The following CPT1A variants were observed in gnomAD, a reference collection of about 807,000 sequenced individuals.
CPT1A encodes carnitine O-palmitoyltransferase 1, liver isoform.
CPT1A carries 64 observed loss-of-function variants against 100.8 expected under a neutral mutation model. The observed-to-expected ratio is 0.63, with a 90% CI of 0.52 to 0.78. The LOEUF is 0.78. Among genes scored for constraint, CPT1A ranks in the 30% least tolerant of loss-of-function variants. The pLI, the probability that CPT1A is intolerant of heterozygous loss-of-function variation, is 0.00. For missense variants in CPT1A, 802 were observed against 1,034.1 expected (o/e 0.78, Z 3.08); for synonymous variants, 363 against 396.0 (o/e 0.92, Z 0.99).
At chr11:68,829,858 G>A (rs1398886212) in intron 1 of CPT1A, among the ~76,000 whole-genome samples, 3 of 151,904 alleles carry the variant, frequency 2.0e-5, no homozygotes, top group African/African-American at 7.3e-5. Flanking sequence ...CACATCGTCT[G>A]GCATTGTCAT....
chr11:68,835,518 AG>A (rs1856988080), intron 1 of CPT1A, among the ~76,000 whole-genome samples: 1 of 152,266 alleles, frequency 6.6e-6, no homozygotes, highest in African/African-American at 2.4e-5. Flanking sequence ...GCCTGCAGCC[AG>A]GACATTGTTT....
intron 1 of CPT1A, among the ~76,000 whole-genome samples, chr11:68,840,748 C>G (rs1462279617): frequency 6.6e-6 from 1 of 152,270 alleles, no homozygotes; most frequent in African/African-American, 2.4e-5. Flanking sequence ...ATGGCCTCTC[C>G]TGACAAACCG....
chr11:68,839,668 G>C (rs998190309), intron 1 of CPT1A: 2 of 985,400 alleles, frequency 2.0e-6, no homozygotes, highest in Admixed American at 1.2e-4. Context: ...CCGCGCTCAA[G>C]AGCCCAGGGC....
intron 5 of CPT1A, among the ~76,000 whole-genome samples, chr11:68,800,624 C>T (rs922867603): frequency 6.6e-6 from 1 of 151,906 alleles, no homozygotes; most frequent in Non-Finnish European, 1.5e-5. Context: ...CATGATCACA[C>T]CACTGCATTC....
At chr11:68,834,782 T>C (rs936241867) in intron 1 of CPT1A, among the ~76,000 whole-genome samples, 1 of 151,734 alleles carries the variant, frequency 6.6e-6, no homozygotes, top group East Asian at 2.0e-4. Context: ...GGTGGATCAC[T>C]TGAGGTCAGG....
intron 3 of CPT1A, among the ~76,000 whole-genome samples, chr11:68,809,567 A>G (rs1212768282): frequency 3.3e-5 from 5 of 152,090 alleles, no homozygotes; most frequent in Admixed American, 3.3e-4. Context: ...TCCTGGGCTC[A>G]AGCAATCCTC....
At position 68,777,049 on chromosome 11, in the gene CPT1A, T is replaced by C. The variant is rs562200251; in HGVS notation, c.1459-1617A>G. ...GTGGGGGTCACAATCCAGGCTGACC[T>C]GAGCCAGCGAACGAACAGACTTGAT... On this transcript the variant is annotated intron_variant, in intron 12 of 18. Transcript: ENST00000265641. Among the ~76,000 whole-genome samples, 3 of 152,326 alleles carry C rather than the reference T, an allele frequency of 2.0e-5. No homozygotes were observed. In the South Asian group the frequency reaches 6.2e-4, roughly 32 times the overall value.
At position 68,781,947 on chromosome 11, in the gene CPT1A, G is replaced by A. The variant is rs748092258; in HGVS notation, c.1176C>T (p.Ala392=). The part of the protein sequence containing the change: ...ALTAGDRVPW[A]RCRQAYFGRG... The stretch of plus-strand genomic sequence containing the variant: ...GTCCAAAATAGGCCTGACGACACCT[G>A]GCCCAGGGAACTCTGCAGTGAAGAT... The change falls in exon 11 of 19, where the codon GCC becomes GCT. Residue 392 remains alanine (A), a synonymous_variant. Coordinates refer to ENST00000265641, the MANE Select transcript of CPT1A (RefSeq NM_001876.4). 1.2e-6 allele frequency: 2 copies of A among 1,614,156 alleles called. No homozygotes were observed. The highest frequency in any genetic ancestry group is 2.2e-5 in the East Asian group (1 of 44,886).
rs1469637386 is a variant in CPT1A, at chr11:68,812,431, A to G, written c.281+6T>C. 6.2e-7 allele frequency: 1 copy of G among 1,614,238 alleles called. No individual in the cohort carries two copies. The highest frequency in any genetic ancestry group is 2.2e-5 in the East Asian group (1 of 44,890). The stretch of plus-strand genomic sequence containing the variant: ...AGACAATTGGAGATTTCACAGGATT[A>G]CTTACGCCGTTTCCAGAGTCCGATT... On this transcript the variant is annotated splice_donor_region_variant and intron_variant, in intron 3 of 18. Transcript: ENST00000265641.
chr11:68,769,499 C>T (rs1043050275), intron 14 of CPT1A, among the ~76,000 whole-genome samples: 3 of 151,516 alleles, frequency 2.0e-5, no homozygotes, highest in Non-Finnish European at 4.4e-5. Flanking sequence ...GATCCACCTG[C>T]CTCAGCCACC....
intron 8 of CPT1A, among the ~76,000 whole-genome samples, chr11:68,794,476 T>A (rs1312454926): frequency 6.6e-6 from 1 of 152,214 alleles, no homozygotes; most frequent in Non-Finnish European, 1.5e-5. Context: ...AATGGTGTTA[T>A]CTTGGCTCGC....
intron 17 of CPT1A, 83 bp from the exon 18 acceptor site, chr11:68,759,744 C>G (rs1946766389): frequency 5.8e-6 from 6 of 1,027,952 alleles, no homozygotes; most frequent in Non-Finnish European, 9.2e-6. Flanking sequence ...AAATGCAACA[C>G]TGGCGGGGCT....
At chr11:68,777,284 G>C (rs1476377124) in intron 12 of CPT1A, among the ~76,000 whole-genome samples, 1 of 152,124 alleles carries the variant, frequency 6.6e-6, no homozygotes, top group African/African-American at 2.4e-5. Context: ...ACAAAAATCA[G>C]CTGGGCGTGG....
chr11:68,797,119 GAA>G, intron 6 of CPT1A, among the ~76,000 whole-genome samples, 186 bp from the exon 7 acceptor site: 1 of 152,164 alleles, frequency 6.6e-6, no homozygotes, highest in Non-Finnish European at 1.5e-5. Context: ...CGTGGGAAAT[GAA>G]AAGTGTTCTT....
chr11:68,793,520 C>T (rs575281670), intron 8 of CPT1A, 118 bp from the exon 9 acceptor site: 47 of 716,556 alleles, frequency 6.6e-5, no homozygotes, highest in Middle Eastern at 4.0e-4. Context: ...CTGAGGCGGG[C>T]GGATCACGAG....
intron 10 of CPT1A, among the ~76,000 whole-genome samples, chr11:68,782,968 C>T (rs929376505): frequency 4.6e-5 from 7 of 152,312 alleles, no homozygotes; most frequent in South Asian, 2.1e-4. Context: ...GGCCCCGCGG[C>T]GCCGGCTCAG....
intron 14 of CPT1A, among the ~76,000 whole-genome samples, chr11:68,770,059 C>CAAA (rs11423981): frequency 2.8e-5 from 4 of 145,418 alleles, no homozygotes; most frequent in African/African-American, 7.6e-5. Flanking sequence ...GGCTCCGTCT[C>CAAA]AAAAAAAAAA....
chr11:68,822,329 C>T (rs1464097599), intron 1 of CPT1A, among the ~76,000 whole-genome samples: 2 of 151,998 alleles, frequency 1.3e-5, no homozygotes, highest in Admixed American at 6.6e-5. Flanking sequence ...CTCAGGAGTT[C>T]GAGACCAGCC....
chr11:68,820,496 A>T (rs1394548866), intron 1 of CPT1A, among the ~76,000 whole-genome samples: 1 of 151,960 alleles, frequency 6.6e-6, no homozygotes, highest in Admixed American at 6.5e-5. Context: ...CAGCCTGGCC[A>T]ACATGGCGAA....
Sources: gnomAD v4.1 joint callset for allele counts (sites outside exome capture counted in the v4.1 genomes callset) on GRCh38, gnomAD v4.1.1 for gene constraint, MANE v1.5 for transcripts, NCBI Gene and HGNC (gene_info 2026-07-23, HGNC 2026-07-21) for gene names.